The following GABPA variants were observed in gnomAD, a reference collection of about 807,000 sequenced individuals.
The protein encoded by GABPA is GA binding protein transcription factor subunit alpha.
Under a neutral mutation model 59.4 loss-of-function variants are expected in GABPA, and 4 were observed. The ratio of observed to expected loss-of-function variants is 0.07; its 90% CI spans 0.03 to 0.15. The LOEUF (loss-of-function observed/expected upper bound fraction) is 0.15, where lower values mean the gene tolerates loss of function less well. GABPA is among the 10% of genes least tolerant of loss of function. The probability of loss-of-function intolerance (pLI) is 1.00; values close to 1 mark genes in which losing one functional copy is unlikely to be tolerated. For missense variants in GABPA, 251 were observed against 543.8 expected, an observed-to-expected ratio of 0.46 and a Z score of 5.36; for synonymous variants, 164 against 183.1, an observed-to-expected ratio of 0.90 and a Z score of 0.84.
At chr21:25,746,752 A>G (rs761904679) in intron 3 of GABPA, among the ~76,000 whole-genome samples, 33 of 152,200 alleles carry the variant, frequency 2.2e-4, no homozygotes, top group African/African-American at 5.5e-4. Context: ...ACCACCTCCC[A>G]TTTAATATCT....
intron 5 of GABPA, among the ~76,000 whole-genome samples, chr21:25,754,329 T>C (rs1369168795): frequency 6.6e-6 from 1 of 152,194 alleles, no homozygotes. Context: ...AATTGTAGCC[T>C]TCAGTTCTGG....
At chr21:25,754,029 G>C (rs2035575822) in intron 5 of GABPA, among the ~76,000 whole-genome samples, 1 of 152,240 alleles carries the variant, frequency 6.6e-6, no homozygotes, top group Admixed American at 6.5e-5. Context: ...ATTTCAGTCT[G>C]TCCCTCCGCT....
chr21:25,745,679 A>T (rs1016158765), intron 3 of GABPA, among the ~76,000 whole-genome samples: 1 of 152,346 alleles, frequency 6.6e-6, no homozygotes, highest in East Asian at 1.9e-4. Flanking sequence ...TTGAAGCTGA[A>T]GTGTATTTCT....
chr21:25,762,521 A>G (rs2035789520), intron 7 of GABPA, among the ~76,000 whole-genome samples, 156 bp downstream of exon 7: 1 of 152,184 alleles, frequency 6.6e-6, no homozygotes, highest in South Asian at 2.1e-4. Flanking sequence ...AGTACTTTAT[A>G]AGATCCACTC....
chr21:25,751,408 T>G (rs1454244190), intron 4 of GABPA, among the ~76,000 whole-genome samples: 1 of 151,406 alleles, frequency 6.6e-6, no homozygotes, highest in African/African-American at 2.4e-5. Context: ...TTACAGTTCT[T>G]AACACCTTTA....
chr21:25,770,482 T>A lies in GABPA; in HGVS notation c.*1250T>A, dbSNP rs974258056. On this transcript the variant is annotated 3_prime_UTR_variant, in exon 10 of 10. Coordinates refer to ENST00000400075, the MANE Select transcript of GABPA (RefSeq NM_002040.4). ...CACTAAACAAAAATGGCTAGAAATG[T>A]CTTTTTCTTTCTTTTCTCTCTTTGT... 3 of 151,906 alleles carry A rather than the reference T, an allele frequency of 2.0e-5. No homozygotes were observed. Among genetic ancestry groups the A allele is most frequent in the Non-Finnish European group, 4.4e-5 (3 of 67,880 alleles). The allele number at this position is 151,906 out of a possible 1,614,324, so 9.4% of individuals were successfully genotyped here.
chr21:25,750,702 G>A (rs1568944584), intron 4 of GABPA, among the ~76,000 whole-genome samples: 2 of 152,206 alleles, frequency 1.3e-5, no homozygotes, highest in African/African-American at 4.8e-5. Flanking sequence ...TGGTAGTTAC[G>A]TACTTCTGAT....
At chr21:25,757,202 C>G (rs2035657547) in intron 5 of GABPA, among the ~76,000 whole-genome samples, 1 of 151,988 alleles carries the variant, frequency 6.6e-6, no homozygotes, top group African/African-American at 2.4e-5. Context: ...GTACCAGAAC[C>G]AAAACTAATT....
In GABPA at chr21:25,735,079, T is replaced by C; in HGVS notation, c.-526T>C. ...GGAGGAGGAAGTGGAGGGTAAGTGCTTCCGGGTCCCCTGGCACAGCCTCCG... is the reference window on the plus strand; with the variant it reads ...GGAGGAGGAAGTGGAGGGTAAGTGCCTCCGGGTCCCCTGGCACAGCCTCCG... On this transcript the variant is annotated 5_prime_UTR_variant, in exon 1 of 10. Coordinates refer to ENST00000400075, the MANE Select transcript of GABPA (RefSeq NM_002040.4). 1.0e-6 allele frequency: 1 copy of C among 994,410 alleles called. No individual in the cohort carries two copies. Among genetic ancestry groups the C allele is most frequent in the South Asian group, 1.4e-5 (1 of 73,174 alleles). The allele number at this position is 994,410 out of a possible 1,614,324, so 61.6% of individuals were successfully genotyped here.
chr21:25,762,343 T>C lies in GABPA; in HGVS notation c.780T>C (p.Asn260=), dbSNP rs779280916. The change falls in exon 7 of 10, where the codon AAT becomes AAC. Residue 260 remains asparagine (N), a synonymous_variant. Transcript: ENST00000400075. ...YVLASQEQQM[N]EIVTIDQPVQ... ...TGGCAAGTCAAGAACAACAGATGAA[T>C]GAAATAGTTACAATTGATCAACGTG... 1.3e-5 allele frequency: 20 copies of C among 1,578,198 alleles called. No homozygotes were observed. The highest frequency in any genetic ancestry group is 1.8e-5 in the Admixed American group (1 of 54,586).
At chr21:25,768,721 T>C (rs1276420280) in intron 9 of GABPA, among the ~76,000 whole-genome samples, 1 of 152,156 alleles carries the variant, frequency 6.6e-6, no homozygotes. Context: ...TTTTGTTTTG[T>C]TTAATAATTA....
intron 1 of GABPA, among the ~76,000 whole-genome samples, chr21:25,737,188 C>T (rs1377125000): frequency 1.3e-5 from 2 of 152,218 alleles, no homozygotes; most frequent in African/African-American, 4.8e-5. Flanking sequence ...ACCAGAGTGT[C>T]AAAGTATATG....
At chr21:25,743,889 C>G (rs1304194615) in intron 2 of GABPA, among the ~76,000 whole-genome samples, 4 of 151,698 alleles carry the variant, frequency 2.6e-5, no homozygotes, top group Non-Finnish European at 5.9e-5. Flanking sequence ...ACAAAAAATA[C>G]AAAAATTAGC....
intron 1 of GABPA, among the ~76,000 whole-genome samples, chr21:25,738,134 T>C (rs974703304): frequency 3.9e-5 from 6 of 152,240 alleles, no homozygotes; most frequent in African/African-American, 1.2e-4. Context: ...TCTACACCTG[T>C]GTGTACACCA....
At chr21:25,763,936 C>CTG (rs370661764) in intron 7 of GABPA, among the ~76,000 whole-genome samples, 1 of 7,328 alleles carries the variant, frequency 1.4e-4, no homozygotes, top group Non-Finnish European at 0.01. Context: ...TGTTTAAATA[C>CTG]TCTTTGTCTA....
rs2036013714 is a variant in GABPA at position 25,771,682 on chromosome 21, A to G, written c.*2450A>G. On this transcript the variant is annotated 3_prime_UTR_variant, in exon 10 of 10. Transcript: ENST00000400075. ...TAAATGAATTTTTCATAGAATTTAC[A>G]GTATATTCAAAGGAAGAAAGATAAA... 1.3e-5 allele frequency: 2 copies of G among 152,042 alleles called. No homozygotes were observed. Among genetic ancestry groups the G allele is most frequent in the African/African-American group, 2.4e-5 (1 of 41,448 alleles). The allele number at this position is 152,042 out of a possible 1,614,324, so 9.4% of individuals were successfully genotyped here. A position where few individuals can be genotyped will look rare whatever the true frequency, so the allele number is the denominator to read the frequency against.
chr21:25,764,893 CTTG>C, intron 9 of GABPA, 106 bp downstream of exon 9: 1 of 739,506 alleles, frequency 1.4e-6, no homozygotes, highest in Non-Finnish European at 2.0e-6. Flanking sequence ...ATATTAAAAA[CTTG>C]TTTATGTTTT....
intron 2 of GABPA, among the ~76,000 whole-genome samples, chr21:25,744,040 C>T (rs865999790): frequency 3.7e-5 from 3 of 80,650 alleles, no homozygotes; most frequent in Non-Finnish European, 6.4e-5. Flanking sequence ...GAGACTCTGT[C>T]TCAAAAAAAA....
chr21:25,735,185 G>C lies in GABPA; in HGVS notation c.-420G>C, dbSNP rs1165219004. 1 of 602,844 alleles carries C rather than the reference G, an allele frequency of 1.7e-6. No homozygotes were observed. Among genetic ancestry groups the C allele is most frequent in the Non-Finnish European group, 3.0e-6 (1 of 335,438 alleles). The allele number at this position is 602,844 out of a possible 1,614,324, so 37.3% of individuals were successfully genotyped here. On this transcript the variant is annotated 5_prime_UTR_variant, in exon 1 of 10. Coordinates refer to ENST00000400075, the MANE Select transcript of GABPA (RefSeq NM_002040.4). ...TCTGTACGCATGCGCTCTTTGAGTG[G>C]CCTTTCCCCTAGTTCAAGCTCCCCT... is the stretch of plus-strand genomic sequence containing the variant.
Sources: gnomAD v4.1 joint callset for allele counts (sites outside exome capture counted in the v4.1 genomes callset) on GRCh38, gnomAD v4.1.1 for gene constraint, MANE v1.5 for transcripts, NCBI Gene and HGNC (gene_info 2026-07-23, HGNC 2026-07-21) for gene names.